The following GHR variants were observed in gnomAD, a reference collection of about 807,000 sequenced individuals.
GHR encodes the protein growth hormone receptor.
In GHR, 35 loss-of-function variants were observed where a neutral mutation model predicts 67.1. That is an observed-to-expected ratio of 0.52 (90% CI 0.40 to 0.69). The LOEUF (loss-of-function observed/expected upper bound fraction) is 0.69. GHR is among the 30% of genes least tolerant of loss of function. The pLI, the probability that GHR is intolerant of heterozygous loss-of-function variation, is 0.00. For synonymous variants in GHR, 272 were observed against 269.1 expected, an observed-to-expected ratio of 1.01 and a Z score of -0.10; for missense variants, 792 against 764.6, an observed-to-expected ratio of 1.04 and a Z score of -0.42.
chr5:42,466,230 A>C (rs1744728280), intron 1 of GHR, among the ~76,000 whole-genome samples: 1 of 152,176 alleles, frequency 6.6e-6, no homozygotes, highest in Non-Finnish European at 1.5e-5. Context: ...AATGGTCAGA[A>C]CAGACTCAAC....
intron 1 of GHR, among the ~76,000 whole-genome samples, chr5:42,435,185 A>C (rs2111922110): frequency 6.6e-6 from 1 of 152,212 alleles, no homozygotes; most frequent in Middle Eastern, 3.4e-3. Flanking sequence ...CAAACAACGA[A>C]ACTAGGGCTT....
chr5:42,481,719 G>T (rs1745648284), intron 1 of GHR, among the ~76,000 whole-genome samples: 1 of 152,128 alleles, frequency 6.6e-6, no homozygotes, highest in African/African-American at 2.4e-5. Flanking sequence ...CTCGTGCCTT[G>T]GTTTTCAGCT....
intron 3 of GHR, among the ~76,000 whole-genome samples, chr5:42,668,751 C>T (rs1238099788): frequency 6.6e-6 from 1 of 152,068 alleles, no homozygotes; most frequent in Non-Finnish European, 1.5e-5. Context: ...TGGTCATTCT[C>T]TTTATAAAAA....
chr5:42,595,886 T>A (rs754666894), intron 2 of GHR, among the ~76,000 whole-genome samples: 10 of 152,220 alleles, frequency 6.6e-5, no homozygotes, highest in Non-Finnish European at 1.3e-4. Flanking sequence ...GCACTGCACC[T>A]CATTGCCTTA....
chr5:42,440,921 T>C (rs1743537576), intron 1 of GHR, among the ~76,000 whole-genome samples: 1 of 152,004 alleles, frequency 6.6e-6, no homozygotes, highest in Admixed American at 6.6e-5. Context: ...CAGGTAAAGG[T>C]TGAAGGAAAG....
chr5:42,448,208 C>G (rs186910180), intron 1 of GHR, among the ~76,000 whole-genome samples: 1 of 152,164 alleles, frequency 6.6e-6, no homozygotes, highest in Non-Finnish European at 1.5e-5. Context: ...TACATTCCCA[C>G]CAGTAGCGTA....
intron 1 of GHR, among the ~76,000 whole-genome samples, chr5:42,505,539 A>C (rs1018589511): frequency 7.9e-5 from 12 of 152,136 alleles, no homozygotes; most frequent in Non-Finnish European, 1.5e-5. Flanking sequence ...AAAGCAATCC[A>C]AGAAGGAACA....
intron 3 of GHR, among the ~76,000 whole-genome samples, chr5:42,671,470 TAC>T (rs1756294900): frequency 6.6e-6 from 1 of 151,506 alleles, no homozygotes; most frequent in Non-Finnish European, 1.5e-5. Flanking sequence ...TTTGAACAGA[TAC>T]AAATATTCAA....
intron 2 of GHR, among the ~76,000 whole-genome samples, chr5:42,617,900 G>T (rs1753247123): frequency 6.6e-6 from 1 of 152,112 alleles, no homozygotes; most frequent in South Asian, 2.1e-4. Context: ...CTATAGCTAT[G>T]AAACTTTTCT....
At chr5:42,443,308 C>T (rs538464747) in intron 1 of GHR, among the ~76,000 whole-genome samples, 2 of 152,250 alleles carry the variant, frequency 1.3e-5, no homozygotes, top group African/African-American at 4.8e-5. Context: ...GCCAGATTTC[C>T]TAGTTAGGAA....
intron 1 of GHR, chr5:42,467,037 C>T (rs1744762561): frequency 6.4e-7 from 1 of 1,573,638 alleles, no homozygotes; most frequent in African/African-American, 1.4e-5. Flanking sequence ...CCTTCCCACA[C>T]TCATTACACA....
chr5:42,598,595 T>C (rs369860739), intron 2 of GHR, among the ~76,000 whole-genome samples: 4 of 152,320 alleles, frequency 2.6e-5, no homozygotes, highest in African/African-American at 9.6e-5. Context: ...AAAAGGTAAA[T>C]TGAAAAAGCA....
At chr5:42,600,918 C>CTTTTTTTTTTTTTTTTTTTTT (rs933355797) in intron 2 of GHR, among the ~76,000 whole-genome samples, 2 of 66,666 alleles carry the variant, frequency 3.0e-5, no homozygotes, top group African/African-American at 6.3e-5. Flanking sequence ...TCTTTCTATT[C>CTTTTTTTTTTTTTTTTTTTTT]TTTTTTTTTT....
intron 2 of GHR, among the ~76,000 whole-genome samples, chr5:42,615,744 A>AC (rs1753113630): frequency 2.1e-5 from 2 of 94,102 alleles, no homozygotes; most frequent in South Asian, 4.7e-4. Context: ...CAAAAAACAA[A>AC]AAAAAAAAAA....
At chr5:42,477,776 C>G (rs1042783353) in intron 1 of GHR, among the ~76,000 whole-genome samples, 2 of 152,116 alleles carry the variant, frequency 1.3e-5, no homozygotes, top group African/African-American at 4.8e-5. Context: ...GTAGATTCTG[C>G]ATATTAGCCC....
intron 2 of GHR, among the ~76,000 whole-genome samples, chr5:42,576,108 T>TAAA (rs1230448848): frequency 6.3e-4 from 48 of 76,434 alleles, no homozygotes; most frequent in African/African-American, 3.0e-3. Context: ...ATAAATAAAA[T>TAAA]AAAATAAAAT....
chr5:42,647,270 A>G (rs1754782190), intron 3 of GHR, among the ~76,000 whole-genome samples: 1 of 152,114 alleles, frequency 6.6e-6, no homozygotes, highest in Non-Finnish European at 1.5e-5. Flanking sequence ...GCTTTGTGCA[A>G]TGATATTAAT....
At chr5:42,540,801 T>C (rs1249550417) in intron 1 of GHR, among the ~76,000 whole-genome samples, 12 of 152,172 alleles carry the variant, frequency 7.9e-5, no homozygotes, top group Non-Finnish European at 1.5e-5. Flanking sequence ...CATGTCCTTC[T>C]GCACCCCCCA....
intron 3 of GHR, among the ~76,000 whole-genome samples, chr5:42,634,612 A>C (rs6451628): frequency 0.12 from 18,781 of 152,110 alleles, 1,457 homozygotes; most frequent in African/African-American, 0.22. Flanking sequence ...CAGGGAGTTT[A>C]CTCCATGCTG....
Sources: allele counts gnomAD v4.1 joint callset (sites outside exome capture counted in the v4.1 genomes callset), GRCh38; gene constraint gnomAD v4.1.1; transcripts MANE v1.5; gene names NCBI Gene and HGNC (gene_info 2026-07-23, HGNC 2026-07-21).